The following CFAP92 variants were observed in gnomAD, a reference collection of about 807,000 sequenced individuals.
The protein encoded by CFAP92 is uncharacterized protein CFAP92.
Under a neutral mutation model 106.3 loss-of-function variants are expected in CFAP92, and 86 were observed. That is an observed-to-expected ratio of 0.81 (90% confidence interval 0.68 to 0.97). The LOEUF is 0.97. Ranked by LOEUF, CFAP92 falls within the 50% of genes least tolerant of loss-of-function variation. CFAP92 has a pLI of 0.00. For missense variants in CFAP92, 1,204 were observed against 1,283.8 expected (o/e 0.94, Z 0.95); for synonymous variants, 477 against 506.4 (o/e 0.94, Z 0.78).
chr3:129,007,956 T>G, the CFAP92 span, among the ~76,000 whole-genome samples: 1 of 152,256 alleles, frequency 6.6e-6, no homozygotes, highest in Non-Finnish European at 1.5e-5. Flanking sequence ...GTTTTACACC[T>G]GCTGTCTTTG....
chr3:128,921,625 G>A (rs1368891293), intron 12 of CFAP92, among the ~76,000 whole-genome samples: 1 of 152,208 alleles, frequency 6.6e-6, no homozygotes, highest in Non-Finnish European at 1.5e-5. Flanking sequence ...TGTAGAAAAG[G>A]AAATCAAAAG....
At chr3:128,912,365 T>C (rs1936428617) in intron 15 of CFAP92, 1 of 713,728 alleles carries the variant, frequency 1.4e-6, no homozygotes, top group Non-Finnish European at 2.5e-6. Context: ...AATCACTTGC[T>C]GGGGGTCTGG....
At chr3:128,938,205 C>T (rs919803517) in intron 10 of CFAP92, among the ~76,000 whole-genome samples, 6 of 151,988 alleles carry the variant, frequency 3.9e-5, no homozygotes, top group African/African-American at 1.5e-4. Flanking sequence ...GCACTCCAGC[C>T]TGGGTAACAG....
At chr3:129,023,429 C>T in the CFAP92 span, among the ~76,000 whole-genome samples, 28 of 151,832 alleles carry the variant, frequency 1.8e-4, no homozygotes, top group Admixed American at 3.3e-4. Flanking sequence ...CCTGGGTTCA[C>T]GGCATTCTCC....
rs570575465 is a variant in CFAP92 at position 128,973,726 on chromosome 3, G to A, written c.1021+2053C>T. On this transcript the variant is annotated intron_variant, in intron 7 of 15. Coordinates refer to ENST00000645291, the MANE Select transcript of CFAP92 (RefSeq NM_001394090.1). ...ACCACTAGCATCTAGCAATGGGGTC[G>A]AGGCTCACAGCCTGTGTCCCAGGGG... is the stretch of plus-strand genomic sequence containing the variant. Among the ~76,000 whole-genome samples, 8 of 152,028 alleles carry A rather than the reference G, an allele frequency of 5.3e-5. No individual in the cohort carries two copies. The East Asian group carries it at 1.4e-3, about 26-fold the overall frequency.
chr3:128,915,814 G>T, intron 13 of CFAP92: 7 of 494,780 alleles, frequency 1.4e-5, no homozygotes. Flanking sequence ...GTTGGTAGCT[G>T]CCTTGATAAG....
At chr3:129,001,934 C>G in intron 1 of CFAP92, 1 of 1,540,934 alleles carries the variant, frequency 6.5e-7, no homozygotes, top group Non-Finnish European at 8.8e-7. Context: ...CAGCAGGTGA[C>G]GGGAACTCCA....
intron 10 of CFAP92, among the ~76,000 whole-genome samples, chr3:128,940,283 A>G (rs1270683144): frequency 1.3e-5 from 2 of 152,300 alleles, no homozygotes; most frequent in South Asian, 2.1e-4. Flanking sequence ...AGTTTAGTAC[A>G]CTAATTGGCG....
At chr3:129,001,701 C>G (rs1944764482) in intron 1 of CFAP92, 4 of 1,499,332 alleles carry the variant, frequency 2.7e-6, no homozygotes, top group Middle Eastern at 3.7e-4. Context: ...GCGACCTGCG[C>G]GGCGCACGCA....
intron 1 of CFAP92, 75 bp from the exon 2 acceptor site, chr3:128,993,411 A>T: frequency 1.4e-6 from 2 of 1,441,492 alleles, no homozygotes; most frequent in Non-Finnish European, 1.9e-6. Flanking sequence ...GGCCTCCTGC[A>T]GAAGCACCCA....
At chr3:128,941,405 C>G (rs760231966) in intron 10 of CFAP92, among the ~76,000 whole-genome samples, 4 of 152,100 alleles carry the variant, frequency 2.6e-5, no homozygotes, top group Non-Finnish European at 4.4e-5. Context: ...AGGCATTTTT[C>G]ATTTCCAAAT....
chr3:128,988,969 A>T, intron 2 of CFAP92, 51 bp from the exon 3 acceptor site: 1 of 1,410,828 alleles, frequency 7.1e-7, no homozygotes. Flanking sequence ...GTGGAAAAGC[A>T]GACCCGTCTC....
At chr3:129,023,041 GACTA>G in the CFAP92 span, among the ~76,000 whole-genome samples, 92 of 152,310 alleles carry the variant, frequency 6.0e-4, no homozygotes, top group African/African-American at 2.0e-3. Flanking sequence ...AGCTAGAACT[GACTA>G]ACTGTGTTTC....
intron 4 of CFAP92, among the ~76,000 whole-genome samples, chr3:128,978,991 A>G (rs1315109382): frequency 2.6e-5 from 4 of 152,242 alleles, no homozygotes; most frequent in African/African-American, 9.6e-5. Context: ...TGCACAGCAA[A>G]AGAAACTACC....
chr3:128,937,394 C>T (rs532532018), intron 10 of CFAP92, among the ~76,000 whole-genome samples: 17 of 151,220 alleles, frequency 1.1e-4, no homozygotes, highest in Admixed American at 5.9e-4. Flanking sequence ...GGGCAGATCA[C>T]GAGGTCAGGA....
At chr3:128,943,537 C>CTT (rs113886968) in intron 10 of CFAP92, among the ~76,000 whole-genome samples, 6 of 146,268 alleles carry the variant, frequency 4.1e-5, no homozygotes, top group East Asian at 2.0e-4. Context: ...TATTTCATTT[C>CTT]TTTTTTTTTT....
chr3:128,919,748 C>G (rs567852846), intron 12 of CFAP92, among the ~76,000 whole-genome samples: 1 of 152,252 alleles, frequency 6.6e-6, no homozygotes, highest in Admixed American at 6.5e-5. Flanking sequence ...AGTTTAGAAG[C>G]TAAGGAGGTA....
At chr3:128,972,810 G>A (rs558728534) in intron 7 of CFAP92, among the ~76,000 whole-genome samples, 6 of 151,248 alleles carry the variant, frequency 4.0e-5, no homozygotes, top group African/African-American at 7.3e-5. Context: ...AGCCCAGATC[G>A]CGCCATTGTA....
intron 10 of CFAP92, among the ~76,000 whole-genome samples, chr3:128,944,689 G>A (rs1268073044): frequency 6.6e-6 from 1 of 152,154 alleles, no homozygotes; most frequent in Non-Finnish European, 1.5e-5. Context: ...GTACCCTGAA[G>A]GCCTTCAGGG....
Sources: gnomAD v4.1 joint callset for allele counts (sites outside exome capture counted in the v4.1 genomes callset) on GRCh38, gnomAD v4.1.1 for gene constraint, MANE v1.5 for transcripts, NCBI Gene and HGNC (gene_info 2026-07-23, HGNC 2026-07-21) for gene names.